GOLGA1: variants seen among roughly 807,000 people sequenced by gnomAD.
GOLGA1 encodes the protein golgin subfamily A member 1.
In GOLGA1, 63 loss-of-function variants were observed where a neutral mutation model predicts 119.7. That is an observed-to-expected ratio of 0.53 (90% CI 0.43 to 0.65). The LOEUF (loss-of-function observed/expected upper bound fraction) is 0.65. GOLGA1 is among the 30% of genes least tolerant of loss of function. The pLI, the probability that GOLGA1 is intolerant of heterozygous loss-of-function variation, is 0.00. For synonymous variants in GOLGA1, 318 were observed against 333.4 expected, an observed-to-expected ratio of 0.95 and a Z score of 0.50; for missense variants, 798 against 912.8, an observed-to-expected ratio of 0.87 and a Z score of 1.62.
rs1431614250 is a variant in GOLGA1 at position 124,946,518 on chromosome 9, C to G, written c.-156+1400G>C. 2 of 152,150 alleles carry G rather than the reference C, an allele frequency of 1.3e-5. No homozygotes were observed. The highest frequency in any genetic ancestry group is 2.4e-5 in the African/African-American group (1 of 41,432). 9.4% of individuals were successfully genotyped at this position (152,150 alleles called of 1,614,324 possible). On this transcript the variant is annotated intron_variant, in intron 1 of 4. Transcript: ENST00000421514. This position sits in a 1 kb window ranked among gnomAD's most constrained non-coding sequence, Gnocchi z 4.0. ...GTTATATTTTATCATGCAAAAATAA[C>G]CTCTACTTAATTTCTGCAGTGAATG...
chr9:124,937,555 C>T (rs1010505577), intron 3 of GOLGA1, among the ~76,000 whole-genome samples: 8 of 151,514 alleles, frequency 5.3e-5, no homozygotes, highest in African/African-American at 1.2e-4. Flanking sequence ...TGCTTGAACC[C>T]GGGAGGTGGA....
rs141961382 is a variant in GOLGA1 at position 124,881,794 on chromosome 9, C to A, written c.2126G>T (p.Arg709Leu). 1 of 1,609,230 alleles carries A rather than the reference C, an allele frequency of 6.2e-7. No homozygotes were observed. Among genetic ancestry groups the A allele is most frequent in the African/African-American group, 1.3e-5 (1 of 74,722 alleles). ...KHVVLKFMSC[R>L]ESEAFHLIKA... is the part of the protein sequence containing the mutation. ...TCAAAAGCCCTTTACCTCGGATTCG[C>A]GACAAGACATGAATTTTAAAACCAC... The change falls in exon 21 of 23, where the codon CGC becomes CTC. Residue 709 changes from arginine to leucine, a missense_variant. Arg to Leu is a moderately radical substitution (Grantham distance 102, BLOSUM62 -2). Transcript: ENST00000373555. The surrounding 1 kb of genome is among the most constrained non-coding windows in gnomAD (Gnocchi z 4.9).
At position 124,881,920 on chromosome 9, in the gene GOLGA1, C is replaced by A; in HGVS notation, c.2000G>T (p.Arg667Leu). 6.2e-7 allele frequency: 1 copy of A among 1,610,922 alleles called. No individual in the cohort carries two copies. The highest frequency in any genetic ancestry group is 8.5e-7 in the Non-Finnish European group (1 of 1,178,566). Residue 667 changes from arginine (R) to leucine (L), a missense_variant, in exon 21 of 23, where the codon CGG (arginine) becomes CTG (leucine). Arg to Leu is a moderately radical substitution (Grantham distance 102). Transcript: ENST00000373555. This position sits in a 1 kb window ranked among gnomAD's most constrained non-coding sequence, Gnocchi z 4.9. ...IRPDNELFEV[R>L]EKPGPEMANM... is the part of the protein sequence containing the mutation. Reference sequence around the variant, plus strand: ...TGCCATCTCAGGTCCAGGTTTCTCCCGGACTTCGAAGAGCTCATTATCGGG... The same window carrying A: ...TGCCATCTCAGGTCCAGGTTTCTCCAGGACTTCGAAGAGCTCATTATCGGG...
At chr9:124,921,695 C>T (rs759849846) in intron 9 of GOLGA1, 28 bp downstream of exon 9, 5 of 1,581,754 alleles carry the variant, frequency 3.2e-6, no homozygotes, top group African/African-American at 1.4e-5. Context: ...ACACCTCTTC[C>T]CAAGGGCCCC....
chr9:124,905,543 A>C (rs1765199971), intron 12 of GOLGA1, among the ~76,000 whole-genome samples: 1 of 152,208 alleles, frequency 6.6e-6, no homozygotes, highest in Admixed American at 6.5e-5. Flanking sequence ...TATTTCCTTT[A>C]AGACTGGGAA....
Position 124,946,406 on chromosome 9 carries a change from T to A in GOLGA1, c.-156+1512A>T, listed in dbSNP as rs1831145626. 6.6e-6 allele frequency: 1 copy of A among 152,194 alleles called. No homozygotes were observed. Among genetic ancestry groups the A allele is most frequent in the Non-Finnish European group, 1.5e-5 (1 of 68,028 alleles). 9.4% of individuals were successfully genotyped at this position (152,194 alleles called of 1,614,324 possible). A position where few individuals can be genotyped will look rare whatever the true frequency, so the allele number is the denominator to read the frequency against. On this transcript the variant is annotated intron_variant, in intron 1 of 4. Transcript: ENST00000421514. This position sits in a 1 kb window ranked among gnomAD's most constrained non-coding sequence, Gnocchi z 4.0. ...CATTTTTTTGGGTGGTAAAACAGAC[T>A]CCTGAGATAATTTCTCTATTTTAAG...
At chr9:124,913,793 G>A (rs760893603) in intron 10 of GOLGA1, among the ~76,000 whole-genome samples, 14 of 152,186 alleles carry the variant, frequency 9.2e-5, no homozygotes, top group African/African-American at 1.7e-4. Flanking sequence ...GACACACACC[G>A]TGCTATGAGA....
intron 3 of GOLGA1, among the ~76,000 whole-genome samples, chr9:124,938,253 C>T (rs1176681945): frequency 6.6e-6 from 1 of 152,002 alleles, no homozygotes; most frequent in Non-Finnish European, 1.5e-5. Flanking sequence ...GTATATATGT[C>T]TGCAATGAAA....
intron 19 of GOLGA1, among the ~76,000 whole-genome samples, chr9:124,885,709 C>A (rs1345146647): frequency 6.6e-6 from 1 of 151,906 alleles, no homozygotes; most frequent in Admixed American, 6.6e-5. Context: ...GGGAGTGAGG[C>A]CCCTGTGGCT....
intron 7 of GOLGA1, among the ~76,000 whole-genome samples, chr9:124,924,953 G>T (rs942020395): frequency 6.6e-6 from 1 of 151,948 alleles, no homozygotes; most frequent in Non-Finnish European, 1.5e-5. Flanking sequence ...GGTGGCGGGT[G>T]CCTGTAGTCC....
chr9:124,932,810 A>T (rs1830794445), intron 3 of GOLGA1, among the ~76,000 whole-genome samples: 2 of 152,150 alleles, frequency 1.3e-5, no homozygotes, highest in African/African-American at 4.8e-5. Context: ...TTTCTGGTTC[A>T]TACATGACAC....
At chr9:124,938,471 G>T in intron 3 of GOLGA1, 106 bp downstream of exon 3, 1 of 937,772 alleles carries the variant, frequency 1.1e-6, no homozygotes, top group Non-Finnish European at 1.7e-6. Context: ...ACAGGCTCTT[G>T]TACAGCTATA....
At chr9:124,885,230 CAGG>C (rs1434255823) in intron 19 of GOLGA1, among the ~76,000 whole-genome samples, 3 of 151,776 alleles carry the variant, frequency 2.0e-5, no homozygotes, top group South Asian at 2.1e-4. Context: ...GAGGCTGAGG[CAGG>C]AGGAGAATTG....
intron 10 of GOLGA1, among the ~76,000 whole-genome samples, chr9:124,916,101 C>CTAAATAAA (rs5900631): frequency 0.014 from 2,048 of 144,294 alleles, 29 homozygotes; most frequent in East Asian, 0.047. Flanking sequence ...GACTGTATCT[C>CTAAATAAA]TAAATAAATA....
chr9:124,911,074 T>G (rs930454484), intron 11 of GOLGA1, among the ~76,000 whole-genome samples: 1 of 152,180 alleles, frequency 6.6e-6, no homozygotes, highest in African/African-American at 2.4e-5. Flanking sequence ...TCCTGTAGAC[T>G]GTTGAAGGGA....
intron 12 of GOLGA1, among the ~76,000 whole-genome samples, chr9:124,901,072 C>T (rs113110618): frequency 0.03 from 4,361 of 147,420 alleles, 224 homozygotes; most frequent in African/African-American, 0.1. Context: ...CCTGGGTTCA[C>T]GTCATTCTCC....
chr9:124,885,591 G>C (rs1829704091), intron 19 of GOLGA1, among the ~76,000 whole-genome samples: 1 of 151,830 alleles, frequency 6.6e-6, no homozygotes, highest in African/African-American at 2.4e-5. Context: ...GGTTCTGGTG[G>C]TGAGGCTGGT....
chr9:124,931,511 A>C (rs1384624402), intron 3 of GOLGA1, 105 bp from the exon 4 acceptor site: 1 of 678,792 alleles, frequency 1.5e-6, no homozygotes, highest in Non-Finnish European at 2.7e-6. Flanking sequence ...CACTTTAATT[A>C]ATTGTAATCA....
At position 124,892,661 on chromosome 9, in the gene GOLGA1, G is replaced by A. The variant is rs181666810; in HGVS notation, c.1408-2183C>T. ...TGAAAGTGTATTTCAGGCTGGGCAT[G>A]GTGGCTCACGCCTGTAATCCCAGCA... On this transcript the variant is annotated intron_variant, in intron 15 of 22. Coordinates refer to ENST00000373555, the MANE Select transcript of GOLGA1 (RefSeq NM_002077.4). Among the ~76,000 whole-genome samples, 238 of 152,092 alleles carry A rather than the reference G, an allele frequency of 1.6e-3. 2 individuals carry two copies. Among genetic ancestry groups the A allele is most frequent in the African/African-American group, 5.6e-3 (232 of 41,488 alleles).
Sources: gnomAD v4.1 joint callset for allele counts (sites outside exome capture counted in the v4.1 genomes callset) on GRCh38, gnomAD v4.1.1 for gene constraint, Gnocchi (gnomAD v3.1) non-coding constraint, MANE v1.5 for transcripts, NCBI Gene and HGNC (gene_info 2026-07-23, HGNC 2026-07-21) for gene names.